The following EML6 variants were observed in gnomAD, a reference collection of about 807,000 sequenced individuals.
EML6 encodes EMAP like 6.
In EML6, 154 loss-of-function variants were observed where a neutral mutation model predicts 240.1. The ratio of observed to expected loss-of-function variants is 0.64; its 90% CI spans 0.56 to 0.73. EML6 has a LOEUF of 0.73. Among genes scored for constraint, EML6 ranks in the 30% least tolerant of loss-of-function variants. The probability of loss-of-function intolerance (pLI) is 0.00; values close to 1 mark genes in which losing one functional copy is unlikely to be tolerated. For missense variants in EML6, 2,964 were observed against 2,474.6 expected (o/e 1.20, Z -4.20); for synonymous variants, 1,148 against 899.0 (o/e 1.28, Z -4.95).
At position 54,737,037 on chromosome 2, in the gene EML6, A is replaced by G. The variant is rs114067569; in HGVS notation, c.197+11779A>G. 7.5e-3 allele frequency among the ~76,000 whole-genome samples: 1,146 copies of G among 152,322 alleles called. 18 individuals are homozygous for G. The highest frequency in any genetic ancestry group is 0.026 in the African/African-American group (1,083 of 41,566). On this transcript the variant is annotated intron_variant, in intron 2 of 41. Transcript: ENST00000356458. The stretch of plus-strand genomic sequence containing the variant: ...CAATGTGTGACTTTGGATTGGGTGG[A>G]GAGGGGTTGCTATATATAACAGTAT...
chr2:54,888,828 G>C (rs186604275), intron 17 of EML6, among the ~76,000 whole-genome samples: 5 of 152,288 alleles, frequency 3.3e-5, no homozygotes, highest in Admixed American at 3.3e-4. Context: ...AAATATCCAT[G>C]TGCAGGTTTC....
intron 2 of EML6, among the ~76,000 whole-genome samples, chr2:54,803,607 G>A (rs746165318): frequency 1.4e-4 from 21 of 152,142 alleles, no homozygotes; most frequent in Non-Finnish European, 2.5e-4. Flanking sequence ...TGACCAAGCT[G>A]GTGAGGGAAT....
At chr2:54,856,133 C>G (rs965274320) in intron 11 of EML6, among the ~76,000 whole-genome samples, 3 of 152,232 alleles carry the variant, frequency 2.0e-5, no homozygotes, top group Non-Finnish European at 4.4e-5. Context: ...TGCTACTGTA[C>G]TATGTTTACG....
intron 16 of EML6, among the ~76,000 whole-genome samples, chr2:54,873,659 TTTGCTAGCAGACAAATATATG>T (rs1671366663): frequency 6.8e-6 from 1 of 147,426 alleles, no homozygotes. Context: ...TAAAATTAAT[TTTGCTAGCAGACAAATATATG>T]TATACTTAAT....
chr2:54,929,972 C>T (rs970124083), intron 28 of EML6, among the ~76,000 whole-genome samples: 10 of 152,002 alleles, frequency 6.6e-5, no homozygotes, highest in African/African-American at 1.5e-4. Context: ...TTTAAAAGTC[C>T]TAATTCTAAG....
At chr2:54,797,387 A>G (rs147535458) in intron 2 of EML6, among the ~76,000 whole-genome samples, 14 of 152,156 alleles carry the variant, frequency 9.2e-5, no homozygotes, top group African/African-American at 3.4e-4. Context: ...AAACCTAACC[A>G]TGTCTTCTAG....
In EML6 at chr2:54,959,258, G is replaced by C; in HGVS notation, c.4850G>C (p.Arg1617Thr). The C allele has an allele frequency of 6.5e-7, 1 of 1,528,092 alleles. No homozygotes were observed. 94.7% of individuals were successfully genotyped at this position (1,528,092 alleles called of 1,614,324 possible). ...DGLIVTGGKERPTKEGGAVKL... is the reference protein window; with the variant it reads ...DGLIVTGGKETPTKEGGAVKL... ...CTCATAGTGACCGGCGGAAAAGAGA[G>C]GCCGTAAGCCAAAGCTCCTATGGAA... Residue 1617 changes from arginine to threonine, a missense_variant, in exon 34 of 42, where the codon AGG (arginine) becomes ACG (threonine). Coordinates refer to ENST00000356458, the MANE Select transcript of EML6 (RefSeq NM_001039753.4).
At chr2:54,938,768 C>T (rs548436591) in intron 28 of EML6, among the ~76,000 whole-genome samples, 1 of 152,314 alleles carries the variant, frequency 6.6e-6, no homozygotes, top group East Asian at 1.9e-4. Context: ...CTGTTCGGAT[C>T]TCTGAGAAGA....
chr2:54,827,247 A>G (rs1321713668), intron 5 of EML6, among the ~76,000 whole-genome samples: 1 of 152,258 alleles, frequency 6.6e-6, no homozygotes, highest in Non-Finnish European at 1.5e-5. Flanking sequence ...AAAACTAAGC[A>G]AAACATGATT....
Position 54,727,190 on chromosome 2 carries a change from A to ACACT in EML6, c.197+1932_197+1933insCACT, listed in dbSNP as rs1553366706. ...AGCCTTAACTGATGAAGGGAAAAAG[A>ACACT]GACAGTTAGCATCTGATCTATTCAT... On this transcript the variant is annotated intron_variant, in intron 2 of 41. Transcript: ENST00000356458. Among the ~76,000 whole-genome samples the ACACT allele has an allele frequency of 6.5e-3, 974 of 149,254 alleles. 12 individuals are homozygous for ACACT. Among genetic ancestry groups the ACACT allele is most frequent in the Admixed American group, 0.017 (252 of 14,446 alleles).
intron 10 of EML6, among the ~76,000 whole-genome samples, chr2:54,851,086 G>A (rs148139097): frequency 1.3e-5 from 2 of 152,256 alleles, no homozygotes; most frequent in East Asian, 1.9e-4. Context: ...GTTGGTTACC[G>A]CTGAGAAGCA....
In EML6 at chr2:54,724,283, C is replaced by T. The variant is rs955468935; in HGVS notation, c.-513-266C>T. 4.6e-5 allele frequency among the ~76,000 whole-genome samples: 7 copies of T among 152,046 alleles called. No homozygotes were observed. The highest frequency in any genetic ancestry group is 1.7e-4 in the African/African-American group (7 of 41,384). ...ACACACACATGAAAACTAATTGGAGCATCTAAAAAATGACCATTGCATATT... is the reference window on the plus strand; with the variant it reads ...ACACACACATGAAAACTAATTGGAGTATCTAAAAAATGACCATTGCATATT... On this transcript the variant is annotated intron_variant, in intron 1 of 41. Transcript: ENST00000356458. The surrounding 1 kb of genome is among the most constrained non-coding windows in gnomAD (Gnocchi z 5.2).
At chr2:54,733,822 G>A (rs1403734469) in intron 2 of EML6, among the ~76,000 whole-genome samples, 1 of 151,972 alleles carries the variant, frequency 6.6e-6, no homozygotes, top group Non-Finnish European at 1.5e-5. Context: ...CTGGAGGGTG[G>A]GACAATGTTT....
rs779774517 is a variant in EML6 at position 54,892,583 on chromosome 2, G to C, written c.2669G>C (p.Trp890Ser). Residue 890 changes from tryptophan (W) to serine (S), a missense_variant, in exon 19 of 42, where the codon TGG becomes TCG. Transcript: ENST00000356458. ...GCAGCTACTGGAGATATTTTTATTT[G>C]GAAAGACATTCTACTACTGAAGACA... ...SGAATGDIFI[W>S]KDILLLKTVK... The C allele has an allele frequency of 6.4e-7, 1 of 1,551,696 alleles. No homozygotes were observed. Among genetic ancestry groups the C allele is most frequent in the Non-Finnish European group, 8.7e-7 (1 of 1,146,874 alleles).
At chr2:54,755,014 T>A (rs1684336667) in intron 2 of EML6, among the ~76,000 whole-genome samples, 1 of 152,246 alleles carries the variant, frequency 6.6e-6, no homozygotes. Context: ...TTCCAGAAAC[T>A]TTATTGATTT....
At position 54,894,690 on chromosome 2, in the gene EML6, A is replaced by T. The variant is rs554462461; in HGVS notation, c.2743-225A>T. ...CCAACCATTGTTCTGAGGAGAGTGC[A>T]GTGGACACATGCTGAGAACGTGCTT... is the stretch of plus-strand genomic sequence containing the variant. On this transcript the variant is annotated intron_variant, in intron 19 of 41. Transcript: ENST00000356458. Among the ~76,000 whole-genome samples, 5 of 152,320 alleles carry T rather than the reference A, an allele frequency of 3.3e-5. No individual in the cohort carries two copies. The South Asian group carries it at 1.0e-3, about 32-fold the overall frequency.
chr2:54,808,899 T>C lies in EML6; in HGVS notation c.198-4333T>C, dbSNP rs1038994628. Among the ~76,000 whole-genome samples the C allele has an allele frequency of 4.6e-5, 7 of 152,356 alleles. No individual in the cohort carries two copies. The East Asian group carries it at 1.3e-3, about 29-fold the overall frequency. ...CTTCTCCCAGATAGGTTGATGAAAG[T>C]CCTTCTCTGCAGTGCTTTCTATTGC... On this transcript the variant is annotated intron_variant, in intron 2 of 41. Transcript: ENST00000356458.
At chr2:54,879,726 A>G (rs1482618499) in intron 17 of EML6, 86 bp downstream of exon 17, 1 of 835,690 alleles carries the variant, frequency 1.2e-6, no homozygotes, top group Non-Finnish European at 1.9e-6. Context: ...GTAAGATTTC[A>G]TCTTCAAACT....
intron 7 of EML6, among the ~76,000 whole-genome samples, chr2:54,842,127 T>C (rs1163105814): frequency 6.6e-6 from 1 of 152,162 alleles, no homozygotes; most frequent in African/African-American, 2.4e-5. Flanking sequence ...TGGTGGCGTA[T>C]ATTCTGTGGG....
Sources: allele counts gnomAD v4.1 joint callset (sites outside exome capture counted in the v4.1 genomes callset), GRCh38; gene constraint gnomAD v4.1.1; non-coding constraint Gnocchi (gnomAD v3.1); transcripts MANE v1.5; gene names NCBI Gene and HGNC (gene_info 2026-07-23, HGNC 2026-07-21).